Variants in EVA1C observed in about 807,000 individuals in gnomAD.
The protein encoded by EVA1C is eva-1 homolog C, also known as protein eva-1 homolog C.
In EVA1C, 25 loss-of-function variants were observed where a neutral mutation model predicts 45.4. That is an observed-to-expected ratio of 0.55 (90% CI 0.40 to 0.77). The LOEUF (loss-of-function observed/expected upper bound fraction) is 0.77. EVA1C is among the 30% of genes least tolerant of loss of function. The pLI is 0.00. For missense variants in EVA1C, 479 were observed against 554.8 expected (o/e 0.86, Z 1.37); for synonymous variants, 190 against 221.2 (o/e 0.86, Z 1.25).
At chr21:32,437,445 A>G (rs2035003227) in intron 1 of EVA1C, among the ~76,000 whole-genome samples, 1 of 152,130 alleles carries the variant, frequency 6.6e-6, no homozygotes, top group African/African-American at 2.4e-5. Context: ...AGGCCAACCC[A>G]GGGTTTTTCT....
At chr21:32,514,679 A>C in intron 7 of EVA1C, 135 bp from the exon 8 acceptor site, 1 of 1,045,734 alleles carries the variant, frequency 9.6e-7, no homozygotes. Flanking sequence ...ATTTTGGTGT[A>C]GACAGTCTCA....
chr21:32,514,167 G>C (rs935278338), intron 7 of EVA1C, among the ~76,000 whole-genome samples: 4 of 152,266 alleles, frequency 2.6e-5, no homozygotes, highest in African/African-American at 9.6e-5. Context: ...CTGGGAGTGT[G>C]GGGGAGGGGT....
chr21:32,429,883 A>G (rs1474529702), intron 1 of EVA1C, among the ~76,000 whole-genome samples: 1 of 152,208 alleles, frequency 6.6e-6, no homozygotes, highest in African/African-American at 2.4e-5. Flanking sequence ...GAATACTTAA[A>G]AATTCTTAAT....
At chr21:32,504,357 T>A (rs1300295872) in intron 7 of EVA1C, among the ~76,000 whole-genome samples, 2 of 152,234 alleles carry the variant, frequency 1.3e-5, no homozygotes, top group Non-Finnish European at 2.9e-5. Context: ...CAGCCCTGAC[T>A]GGAAGAAAAA....
intron 1 of EVA1C, among the ~76,000 whole-genome samples, chr21:32,439,930 G>A (rs2035111271): frequency 6.6e-6 from 1 of 152,022 alleles, no homozygotes; most frequent in Non-Finnish European, 1.5e-5. Flanking sequence ...CACCAAATAA[G>A]TGCCCTCAAG....
At chr21:32,460,645 G>A (rs533412909) in intron 3 of EVA1C, among the ~76,000 whole-genome samples, 20 of 152,284 alleles carry the variant, frequency 1.3e-4, no homozygotes, top group East Asian at 1.9e-4. Context: ...ATCCAGTCCC[G>A]TGGGGCCTGA....
chr21:32,432,602 T>C (rs2034752820), intron 1 of EVA1C, among the ~76,000 whole-genome samples: 2 of 152,312 alleles, frequency 1.3e-5, no homozygotes, highest in South Asian at 4.1e-4. Flanking sequence ...AGGGCTACAC[T>C]GTGGTAGGCA....
At chr21:32,486,930 A>G (rs1329507078) in intron 4 of EVA1C, among the ~76,000 whole-genome samples, 1 of 152,210 alleles carries the variant, frequency 6.6e-6, no homozygotes. Flanking sequence ...GCTAATAAAA[A>G]TGGTGTTGAG....
intron 4 of EVA1C, among the ~76,000 whole-genome samples, chr21:32,486,449 C>T (rs962883662): frequency 3.3e-5 from 5 of 152,168 alleles, no homozygotes; most frequent in Admixed American, 1.3e-4. Context: ...TGACTAACTT[C>T]TCCCTCTCTC....
At chr21:32,467,635 G>A in intron 3 of EVA1C, 61 bp from the exon 4 acceptor site, 1 of 1,533,472 alleles carries the variant, frequency 6.5e-7, no homozygotes, top group Admixed American at 1.8e-5. Flanking sequence ...GACTTGGACA[G>A]AGCTCACCAA....
chr21:32,418,167 A>G (rs974343745), intron 1 of EVA1C, among the ~76,000 whole-genome samples: 2 of 152,210 alleles, frequency 1.3e-5, no homozygotes, highest in Admixed American at 1.3e-4. Context: ...TCTGCATTTC[A>G]TGATGCCTCA....
At chr21:32,438,206 G>C (rs1019902657) in intron 1 of EVA1C, among the ~76,000 whole-genome samples, 2 of 152,104 alleles carry the variant, frequency 1.3e-5, no homozygotes, top group African/African-American at 4.8e-5. Context: ...TTACATTTAA[G>C]AGAACCCTGG....
intron 3 of EVA1C, among the ~76,000 whole-genome samples, chr21:32,466,418 CAAA>C (rs201044286): frequency 0.02 from 1,689 of 85,064 alleles, 24 homozygotes; most frequent in Admixed American, 0.058. Context: ...GATTCCGTCT[CAAA>C]AAAAAAAAAA....
At chr21:32,428,482 G>A (rs1007403617) in intron 1 of EVA1C, 1 of 152,168 alleles carries the variant, frequency 6.6e-6, no homozygotes, top group Admixed American at 6.5e-5. Context: ...TGCTCCTGTG[G>A]GTGTAGCTAA....
At chr21:32,424,446 TAC>T (rs1164517682) in intron 1 of EVA1C, among the ~76,000 whole-genome samples, 1 of 152,144 alleles carries the variant, frequency 6.6e-6, no homozygotes, top group Non-Finnish European at 1.5e-5. Flanking sequence ...CACATAATTT[TAC>T]AGTCTCTTTT....
Position 32,474,193 on chromosome 21 carries a change from C to T in EVA1C, c.634+6345C>T, listed in dbSNP as rs1041756101. On this transcript the variant is annotated intron_variant, in intron 4 of 7. Transcript: ENST00000300255. This position sits in a 1 kb window ranked among gnomAD's most constrained non-coding sequence, Gnocchi z 4.4. The stretch of plus-strand genomic sequence containing the variant: ...CCTCCTAAAGTGCTGGGATTGCAGG[C>T]GTGAGCCACTGAGCCCGACCAGGAT... Among the ~76,000 whole-genome samples, 1 of 152,180 alleles carries T rather than the reference C, an allele frequency of 6.6e-6. No individual in the cohort carries two copies. Among genetic ancestry groups the T allele is most frequent in the Non-Finnish European group, 1.5e-5 (1 of 68,024 alleles).
In EVA1C at chr21:32,421,485, G is replaced by A. The variant is rs542833942; in HGVS notation, c.160+8472G>A. On this transcript the variant is annotated intron_variant, in intron 1 of 7. Transcript: ENST00000300255. Reference sequence around the variant, plus strand: ...AAAAAATAATGTCTCTTGAGATGGTGTAATCAAAATTCTGCCTTTTGGAGA... The same window carrying A: ...AAAAAATAATGTCTCTTGAGATGGTATAATCAAAATTCTGCCTTTTGGAGA... 8.5e-5 allele frequency among the ~76,000 whole-genome samples: 13 copies of A among 152,318 alleles called. No individual in the cohort carries two copies. In the South Asian group the frequency reaches 2.5e-3, roughly 29 times the overall value.
chr21:32,514,721 C>T, intron 7 of EVA1C, 93 bp from the exon 8 acceptor site: 1 of 1,389,806 alleles, frequency 7.2e-7, no homozygotes, highest in Non-Finnish European at 9.6e-7. Context: ...TCATTAGCCC[C>T]CTGCTTGGGC....
chr21:32,420,051 A>G (rs1347831383), intron 1 of EVA1C, among the ~76,000 whole-genome samples: 1 of 152,178 alleles, frequency 6.6e-6, no homozygotes, highest in Non-Finnish European at 1.5e-5. Flanking sequence ...CCACCCCTTT[A>G]GTTGGCTCCC....
Sources: allele counts gnomAD v4.1 joint callset (sites outside exome capture counted in the v4.1 genomes callset), GRCh38; gene constraint gnomAD v4.1.1; non-coding constraint Gnocchi (gnomAD v3.1); transcripts MANE v1.5; gene names NCBI Gene and HGNC (gene_info 2026-07-23, HGNC 2026-07-21).